The following ERC1 variants were observed in gnomAD, a reference collection of about 807,000 sequenced individuals.
The protein encoded by ERC1 is RAB6 interacting protein 2.
ERC1 carries 56 observed loss-of-function variants against 132.0 expected under a neutral mutation model. The observed-to-expected ratio is 0.42, with a 90% CI of 0.34 to 0.53. The LOEUF (loss-of-function observed/expected upper bound fraction) is 0.53, where lower values mean the gene tolerates loss of function less well. Among genes scored for constraint, ERC1 ranks in the 20% least tolerant of loss-of-function variants. The pLI, the probability that ERC1 is intolerant of heterozygous loss-of-function variation, is 0.03. For synonymous variants in ERC1, 478 were observed against 476.1 expected (o/e 1.00, Z -0.05); for missense variants, 1,202 against 1,349.9 (o/e 0.89, Z 1.72).
chr12:1,092,200 T>C (rs1302427116), intron 3 of ERC1, among the ~76,000 whole-genome samples: 1 of 152,136 alleles, frequency 6.6e-6, no homozygotes, highest in Non-Finnish European at 1.5e-5. Flanking sequence ...GGTTTCACCA[T>C]GTTGGTCAGG....
intron 11 of ERC1, among the ~76,000 whole-genome samples, chr12:1,187,677 C>T (rs1955256184): frequency 6.6e-6 from 1 of 152,132 alleles, no homozygotes; most frequent in Non-Finnish European, 1.5e-5. Context: ...CCGTTTAGGC[C>T]TATGGGCTGT....
chr12:1,341,120 G>T (rs1237396518), intron 15 of ERC1, among the ~76,000 whole-genome samples: 1 of 49,130 alleles, frequency 2.0e-5, no homozygotes, highest in Admixed American at 4.1e-4. Context: ...TTGAGGCAGA[G>T]TCTTACTCTG....
At position 1,104,779 on chromosome 12, in the gene ERC1, T is replaced by C. The variant is rs749425672; in HGVS notation, c.1116T>C (p.Pro372=). The stretch of plus-strand genomic sequence containing the variant: ...TGCATCGAAGGTTTGAGAATGCTCC[T>C]GATTCTGCCAAAACAAAAGCTCTGC... ...EEMHRRFENA[P]DSAKTKALQT... The change falls in exon 4 of 19, where the codon CCT becomes CCC. Residue 372 remains proline (P), a synonymous_variant. Transcript: ENST00000360905. 1.9e-6 allele frequency: 3 copies of C among 1,613,686 alleles called. No individual in the cohort carries two copies. Among genetic ancestry groups the C allele is most frequent in the East Asian group, 2.2e-5 (1 of 44,872 alleles).
intron 15 of ERC1, among the ~76,000 whole-genome samples, chr12:1,320,185 G>A (rs2082017548): frequency 6.6e-6 from 1 of 152,110 alleles, no homozygotes; most frequent in South Asian, 2.1e-4. Flanking sequence ...CATTATACTT[G>A]CATCTTTTCA....
At chr12:1,255,157 G>T (rs1200194187) in intron 13 of ERC1, among the ~76,000 whole-genome samples, 1 of 150,304 alleles carries the variant, frequency 6.7e-6, no homozygotes, top group Non-Finnish European at 1.5e-5. Context: ...CATGTGTTCT[G>T]ATTGTTCAAC....
At chr12:1,083,023 G>T in intron 2 of ERC1, 141 bp from the exon 3 acceptor site, 2 of 666,992 alleles carry the variant, frequency 3.0e-6, no homozygotes, top group Non-Finnish European at 5.1e-6. Context: ...ATTTTTTAAG[G>T]ACCTGTAAAA....
intron 18 of ERC1, among the ~76,000 whole-genome samples, chr12:1,471,561 C>T (rs1406092591): frequency 1.3e-5 from 2 of 152,232 alleles, no homozygotes; most frequent in African/African-American, 2.4e-5. Flanking sequence ...GTGGTTCCAG[C>T]TCCTGCTGTA....
At chr12:1,304,145 T>C (rs1386034145) in intron 15 of ERC1, among the ~76,000 whole-genome samples, 1 of 152,108 alleles carries the variant, frequency 6.6e-6, no homozygotes, top group Non-Finnish European at 1.5e-5. Flanking sequence ...CACAGTATTA[T>C]TGTATTGTGG....
chr12:1,197,946 T>C (rs1461016716), intron 12 of ERC1, among the ~76,000 whole-genome samples: 1 of 151,964 alleles, frequency 6.6e-6, no homozygotes, highest in African/African-American at 2.4e-5. Flanking sequence ...CTTTTTTTTT[T>C]TGAGGCAGGG....
chr12:1,298,556 AC>A lies in ERC1; in HGVS notation c.2780+8545del, dbSNP rs148790415. Among the ~76,000 whole-genome samples the A allele has an allele frequency of 9.8e-3, 1,403 of 143,056 alleles. 33 individuals are homozygous for A. Among genetic ancestry groups the A allele is most frequent in the Middle Eastern group, 0.025 (7 of 276 alleles). The allele number at this position is 143,056 out of a possible 152,430, so 93.9% of individuals were successfully genotyped here. On this transcript the variant is annotated intron_variant, in intron 15 of 18. Coordinates refer to ENST00000360905, the MANE Select transcript of ERC1 (RefSeq NM_178040.4). ...AGACTCTGTCACAAAAAAAAAAAAA[AC>A]AAACAAACAAAGAAAAAGCACCTGA...
At chr12:1,039,355 A>AAAT (rs1969767083) in intron 2 of ERC1, among the ~76,000 whole-genome samples, 1 of 147,352 alleles carries the variant, frequency 6.8e-6, no homozygotes, top group Non-Finnish European at 1.5e-5. Context: ...AAAAAAAATA[A>AAAT]AAATAAATAA....
chr12:1,116,139 G>A (rs1946413612), intron 7 of ERC1, 106 bp downstream of exon 7: 1 of 945,670 alleles, frequency 1.1e-6, no homozygotes, highest in East Asian at 2.5e-5. Flanking sequence ...TATGAGTAAT[G>A]TTATGATTAA....
chr12:1,467,846 T>G (rs2093775636), intron 18 of ERC1, among the ~76,000 whole-genome samples: 1 of 152,192 alleles, frequency 6.6e-6, no homozygotes, highest in Non-Finnish European at 1.5e-5. Context: ...GCGGCCTAGA[T>G]CCCTCGCGTG....
intron 12 of ERC1, 63 bp from the exon 13 acceptor site, chr12:1,236,684 TTGTCACTGGTGTAAGTCTCTAG>T: frequency 7.4e-7 from 1 of 1,344,548 alleles, no homozygotes; most frequent in East Asian, 2.5e-5. Flanking sequence ...CCATTCCTTA[TTGTCACTGGTGTAAGTCTCTAG>T]ATAAACATAT....
At chr12:1,320,853 C>T (rs535390807) in intron 15 of ERC1, among the ~76,000 whole-genome samples, 10 of 152,190 alleles carry the variant, frequency 6.6e-5, no homozygotes, top group Non-Finnish European at 1.0e-4. Context: ...AGGCGCCCGC[C>T]ACCACGCCCA....
chr12:1,041,919 T>C (rs1056382872), intron 2 of ERC1, among the ~76,000 whole-genome samples: 36 of 152,280 alleles, frequency 2.4e-4, no homozygotes, highest in African/African-American at 8.7e-4. Context: ...CAGCTAATTT[T>C]TGTATTTTTA....
chr12:1,389,113 A>G (rs1380282459), intron 16 of ERC1, among the ~76,000 whole-genome samples: 1 of 152,212 alleles, frequency 6.6e-6, no homozygotes, highest in Non-Finnish European at 1.5e-5. Context: ...GGCCAGTCAG[A>G]TGTCTGGTCT....
At chr12:1,059,545 G>C (rs917886639) in intron 2 of ERC1, among the ~76,000 whole-genome samples, 1 of 152,148 alleles carries the variant, frequency 6.6e-6, no homozygotes, top group Non-Finnish European at 1.5e-5. Context: ...TTATCAGGAA[G>C]GTATGTTGAA....
At chr12:1,396,730 G>C (rs2090573328) in intron 16 of ERC1, among the ~76,000 whole-genome samples, 1 of 152,174 alleles carries the variant, frequency 6.6e-6, no homozygotes, top group South Asian at 2.1e-4. Flanking sequence ...CTGCCCAGGG[G>C]CTAGCAGACG....
Sources: gnomAD v4.1 joint callset for allele counts (sites outside exome capture counted in the v4.1 genomes callset) on GRCh38, gnomAD v4.1.1 for gene constraint, MANE v1.5 for transcripts, NCBI Gene and HGNC (gene_info 2026-07-23, HGNC 2026-07-21) for gene names.